Variants in CEP85L observed in about 807,000 individuals in gnomAD.
CEP85L encodes centrosomal protein 85L, also known as centrosomal protein of 85 kDa-like.
A neutral mutation model predicts 100.3 loss-of-function variants in CEP85L; 60 were observed. The ratio of observed to expected loss-of-function variants is 0.60; its 90% confidence interval spans 0.49 to 0.74. The LOEUF (loss-of-function observed/expected upper bound fraction) is 0.74, where lower values mean the gene tolerates loss of function less well. Ranked by LOEUF, CEP85L falls within the 30% of genes least tolerant of loss-of-function variation. The probability of loss-of-function intolerance (pLI) is 0.00; values close to 1 mark genes in which losing one functional copy is unlikely to be tolerated. For missense variants in CEP85L, 973 were observed against 936.2 expected (o/e 1.04, Z -0.51); for synonymous variants, 319 against 322.7 (o/e 0.99, Z 0.12).
At chr6:118,633,076 T>G (rs945462138) in intron 1 of CEP85L, among the ~76,000 whole-genome samples, 23 of 152,192 alleles carry the variant, frequency 1.5e-4, no homozygotes, top group African/African-American at 5.5e-4. Flanking sequence ...CTGCTATATA[T>G]CTACTAAATT....
At chr6:118,650,291 A>G (rs1419807852) in intron 1 of CEP85L, among the ~76,000 whole-genome samples, 1 of 152,228 alleles carries the variant, frequency 6.6e-6, no homozygotes. Flanking sequence ...ACTCAAGATT[A>G]AAAGTGCCTG....
At chr6:118,673,863 G>A (rs1776392603) in intron 1 of CEP85L, among the ~76,000 whole-genome samples, 1 of 152,124 alleles carries the variant, frequency 6.6e-6, no homozygotes, top group Non-Finnish European at 1.5e-5. Context: ...GACCCCACTC[G>A]TGAAAGAGTT....
rs184644994 is a variant in CEP85L at position 118,671,503 on chromosome 6, T to A, written c.-27-18695A>T. Among the ~76,000 whole-genome samples the A allele has an allele frequency of 2.0e-5, 3 of 152,218 alleles. No individual in the cohort carries two copies. The East Asian group carries it at 5.8e-4, about 29-fold the overall frequency. The stretch of plus-strand genomic sequence containing the variant: ...AGTAAAATGAAGAGAGAAATAAAAT[T>A]TTATCAGTGACCCCTCAACCCTTTT... On this transcript the variant is annotated intron_variant, in intron 1 of 13. Coordinates refer to the CEP85L transcript ENST00000368488.
At chr6:118,657,957 T>C (rs1193996864) in intron 1 of CEP85L, among the ~76,000 whole-genome samples, 1 of 152,236 alleles carries the variant, frequency 6.6e-6, no homozygotes, top group African/African-American at 2.4e-5. Flanking sequence ...ATATACTCTG[T>C]TCCCGTTGGT....
At chr6:118,466,247 A>G (rs762641437) in intron 12 of CEP85L, among the ~76,000 whole-genome samples, 2 of 152,222 alleles carry the variant, frequency 1.3e-5, no homozygotes, top group Non-Finnish European at 2.9e-5. Context: ...AGGCAGAGCC[A>G]GTGATTACAA....
intron 3 of CEP85L, among the ~76,000 whole-genome samples, chr6:118,554,885 G>T (rs1241747358): frequency 6.6e-6 from 1 of 152,184 alleles, no homozygotes; most frequent in African/African-American, 2.4e-5. Context: ...TTATGGAAAG[G>T]TGACATGTTT....
At chr6:118,502,121 C>T (rs1335782220) in intron 5 of CEP85L, 4 of 1,137,514 alleles carry the variant, frequency 3.5e-6, no homozygotes, top group Admixed American at 2.3e-5. Flanking sequence ...GGAATGACAA[C>T]TGGAAGACTT....
chr6:118,643,132 TAA>T (rs1774981985), intron 1 of CEP85L, among the ~76,000 whole-genome samples: 1 of 152,082 alleles, frequency 6.6e-6, no homozygotes, highest in Non-Finnish European at 1.5e-5. Flanking sequence ...TAAAGAAAAA[TAA>T]AGTCTTAAAA....
intron 10 of CEP85L, among the ~76,000 whole-genome samples, chr6:118,472,278 C>T (rs2114448371): frequency 6.6e-6 from 1 of 152,134 alleles, no homozygotes; most frequent in African/African-American, 2.4e-5. Flanking sequence ...CAATCTTCTC[C>T]ATCAGAAAAA....
chr6:118,626,137 G>A (rs908055052), intron 2 of CEP85L, among the ~76,000 whole-genome samples: 7 of 152,130 alleles, frequency 4.6e-5, no homozygotes, highest in Non-Finnish European at 7.3e-5. Flanking sequence ...TTCCTGGGTT[G>A]AGTAGGGGCT....
intron 2 of CEP85L, among the ~76,000 whole-genome samples, chr6:118,607,216 A>C (rs1011423743): frequency 3.3e-5 from 5 of 152,200 alleles, no homozygotes; most frequent in African/African-American, 1.2e-4. Context: ...ACTCCGACTT[A>C]AGAGTTTCAA....
chr6:118,648,813 T>C (rs893432794), intron 1 of CEP85L, among the ~76,000 whole-genome samples: 4 of 152,044 alleles, frequency 2.6e-5, no homozygotes, highest in African/African-American at 9.7e-5. Flanking sequence ...TATATATTTG[T>C]ATAAACAAAT....
intron 3 of CEP85L, among the ~76,000 whole-genome samples, chr6:118,536,187 C>T (rs1378601480): frequency 7.9e-5 from 12 of 152,006 alleles, no homozygotes; most frequent in Non-Finnish European, 1.6e-4. Context: ...TACTATTATA[C>T]AAAACAACAT....
intron 2 of CEP85L, among the ~76,000 whole-genome samples, chr6:118,600,341 G>GTGTGTGTGTGTGTGTGTGTT (rs1562297941): frequency 9.7e-5 from 13 of 134,346 alleles, no homozygotes; most frequent in African/African-American, 3.3e-4. Context: ...GTGTGTGTGT[G>GTGTGTGTGTGTGTGTGTGTT]TGTGTGTGTG....
chr6:118,591,243 G>A (rs1354591495), intron 2 of CEP85L, among the ~76,000 whole-genome samples: 4 of 152,120 alleles, frequency 2.6e-5, no homozygotes, highest in Admixed American at 1.3e-4. Flanking sequence ...GCCAATTCAC[G>A]CTGACTTCCT....
At position 118,483,862 on chromosome 6, in the gene CEP85L, A is replaced by T. The variant is rs749021080; in HGVS notation, c.1438-4T>A. The stretch of plus-strand genomic sequence containing the variant: ...TGTATCGATCTCTAGTTTTAAGCTA[A>T]AAGCAAACAATTATGAACCTTCAGT... On this transcript the variant is annotated splice_region_variant and splice_polypyrimidine_tract_variant and intron_variant, in intron 6 of 12. Coordinates refer to ENST00000368491, the MANE Select transcript of CEP85L (RefSeq NM_001042475.3). The T allele has an allele frequency of 1.2e-4, 194 of 1,611,022 alleles. No individual in the cohort carries two copies. Among genetic ancestry groups the T allele is most frequent in the Non-Finnish European group, 1.6e-4 (189 of 1,179,094 alleles).
Position 118,511,299 on chromosome 6 carries a change from T to C in CEP85L, c.1256A>G (p.Gln419Arg), listed in dbSNP as rs1775951025. 6.2e-7 allele frequency: 1 copy of C among 1,600,610 alleles called. No individual in the cohort carries two copies. Among genetic ancestry groups the C allele is most frequent in the Non-Finnish European group, 8.6e-7 (1 of 1,168,424 alleles). The change falls in exon 5 of 13, where the codon CAG becomes CGG. Residue 419 changes from glutamine (Q) to arginine (R), a missense_variant and splice_region_variant. This residue lies in a region of CEP85L where 890 missense variants were observed against 844.5 expected (regional missense o/e 1.05). Transcript: ENST00000368491. The part of the protein sequence containing the change: ...NCEDSYVASL[Q>R]PQYENTSLQT... ...CTACAAAATCCTCTGTAATCTTACC[T>C]GCAAACTAGCCACATAAGAATCCTC...
chr6:118,688,713 C>T (rs1324392714), intron 1 of CEP85L, among the ~76,000 whole-genome samples: 2 of 152,194 alleles, frequency 1.3e-5, no homozygotes, highest in Non-Finnish European at 1.5e-5. Flanking sequence ...GTAGCAGGTA[C>T]GTTGGAGCCT....
intron 2 of CEP85L, among the ~76,000 whole-genome samples, chr6:118,615,925 T>C (rs1429662812): frequency 6.6e-6 from 1 of 152,142 alleles, no homozygotes; most frequent in Non-Finnish European, 1.5e-5. Context: ...TTTGCTTCTT[T>C]TTCCATCACT....
Sources: gnomAD v4.1 joint callset for allele counts (sites outside exome capture counted in the v4.1 genomes callset) on GRCh38, gnomAD v4.1.1 for gene constraint, gnomAD v4.1.1 regional missense constraint, MANE v1.5 for transcripts, NCBI Gene and HGNC (gene_info 2026-07-23, HGNC 2026-07-21) for gene names.